HNRNPA3: variants seen among roughly 807,000 people sequenced by gnomAD.
HNRNPA3 encodes the protein heterogeneous nuclear ribonucleoprotein A3.
In HNRNPA3, 3 loss-of-function variants were observed where a neutral mutation model predicts 45.8. The observed-to-expected ratio is 0.07, with a 90% CI of 0.03 to 0.17. HNRNPA3 has a LOEUF of 0.17. Ranked by LOEUF, HNRNPA3 falls within the 10% of genes least tolerant of loss-of-function variation. The pLI is 1.00. For missense variants in HNRNPA3, 183 were observed against 480.3 expected, an observed-to-expected ratio of 0.38 and a Z score of 5.79; for synonymous variants, 170 against 155.6, an observed-to-expected ratio of 1.09 and a Z score of -0.69.
At chr2:177,213,639 G>A (rs1182696150) in intron 1 of HNRNPA3, among the ~76,000 whole-genome samples, 1 of 152,264 alleles carries the variant, frequency 6.6e-6, no homozygotes, top group African/African-American at 2.4e-5. Flanking sequence ...CTTAATTTTT[G>A]AGAATTTGAG....
At position 177,217,283 on chromosome 2, in the gene HNRNPA3, CTA is replaced by C. The variant is rs533051743; in HGVS notation, c.820+345_820+346del. On this transcript the variant is annotated intron_variant, in intron 7 of 10. Coordinates refer to ENST00000392524, the Ensembl canonical transcript of HNRNPA3. ...CTTACTAGTGCAGATACTTGATACT[CTA>C]TTATTATTAGGTATTACCAGGCTTC... 2.6e-5 allele frequency among the ~76,000 whole-genome samples: 4 copies of C among 151,898 alleles called. No individual in the cohort carries two copies. In the South Asian group the frequency reaches 8.3e-4, roughly 32 times the overall value.
chr2:177,215,646 A>C (rs1408408486), exon 2 of HNRNPA3: 1 of 1,613,866 alleles, frequency 6.2e-7, no homozygotes, highest in Non-Finnish European at 8.5e-7. Context: ...AATGGGGCAC[A>C]CTCACAGATT....
intron 1 of HNRNPA3, among the ~76,000 whole-genome samples, chr2:177,214,009 A>G (rs1296890132): frequency 2.0e-5 from 3 of 152,234 alleles, no homozygotes; most frequent in African/African-American, 7.2e-5. Context: ...ATCTCTTCAC[A>G]TTAAACGGTT....
chr2:177,216,226 G>C (rs761156929), intron 4 of HNRNPA3, 38 bp downstream of exon 4: 1 of 1,367,164 alleles, frequency 7.3e-7, no homozygotes, highest in East Asian at 2.3e-5. Flanking sequence ...TGAGAAAGTA[G>C]AACTGGTTTT....
At chr2:177,213,797 G>A (rs544118197) in intron 1 of HNRNPA3, among the ~76,000 whole-genome samples, 1 of 152,340 alleles carries the variant, frequency 6.6e-6, no homozygotes, top group East Asian at 1.9e-4. Context: ...AGTCGGCTCT[G>A]GTTGTAGTTT....
intron 1 of HNRNPA3, among the ~76,000 whole-genome samples, chr2:177,213,902 GTTA>G (rs1214446833): frequency 6.6e-6 from 1 of 152,138 alleles, no homozygotes; most frequent in East Asian, 1.9e-4. Flanking sequence ...TGTCGATTTC[GTTA>G]TTGTCAATCG....
At chr2:177,219,305 G>T in exon 10 of HNRNPA3, 1 of 1,609,736 alleles carries the variant, frequency 6.2e-7, no homozygotes, top group Non-Finnish European at 8.5e-7. Context: ...TCTAAAAACA[G>T]CAGAAAAGGG....
At chr2:177,221,224 A>C (rs2105439875), downstream of HNRNPA3, 1 of 152,796 alleles carries the variant, frequency 6.5e-6, no homozygotes, top group East Asian at 1.9e-4. Flanking sequence ...TTAAGTCCTA[A>C]ATAACTTCAA....
chr2:177,216,587 A>C, exon 5 of HNRNPA3: 2 of 1,613,856 alleles, frequency 1.2e-6, no homozygotes, highest in African/African-American at 2.7e-5. Flanking sequence ...GCTGGATCAC[A>C]GAGAGGTGAG....
chr2:177,217,436 A>G (rs1168166315), intron 7 of HNRNPA3, among the ~76,000 whole-genome samples: 1 of 152,174 alleles, frequency 6.6e-6, no homozygotes, highest in Non-Finnish European at 1.5e-5. Flanking sequence ...GGATTTTGAG[A>G]CTAGTCTGAG....
At chr2:177,215,346 C>T (rs1271628676) in intron 1 of HNRNPA3, among the ~76,000 whole-genome samples, 193 bp from the exon 2 acceptor site, 2 of 152,156 alleles carry the variant, frequency 1.3e-5, no homozygotes, top group African/African-American at 4.8e-5. Context: ...CCATCTGCCT[C>T]GGCCTCCCAA....
At chr2:177,216,796 A>G in intron 6 of HNRNPA3, 25 bp downstream of exon 6, 1 of 1,613,850 alleles carries the variant, frequency 6.2e-7, no homozygotes, top group South Asian at 1.1e-5. Context: ...TTCTAAGTAC[A>G]TGGATACCTG....
intron 1 of HNRNPA3, among the ~76,000 whole-genome samples, chr2:177,215,016 G>A (rs1014558879): frequency 6.6e-6 from 1 of 152,216 alleles, no homozygotes; most frequent in Non-Finnish European, 1.5e-5. Flanking sequence ...TTGAAGTGAT[G>A]CTGGCATTTG....
downstream of HNRNPA3, chr2:177,223,299 T>G (rs1202185929): frequency 5.3e-5 from 8 of 152,152 alleles, no homozygotes; most frequent in Admixed American, 5.2e-4. Context: ...GCATTGTTCT[T>G]TCTAGTTTAT....
chr2:177,223,854 T>C (rs1675961434), downstream of HNRNPA3: 1 of 152,190 alleles, frequency 6.6e-6, no homozygotes, highest in Admixed American at 6.5e-5. Context: ...TTTTTAGAAA[T>C]GTGTGTGTTG....
chr2:177,221,417 C>T (rs1383333202), downstream of HNRNPA3: 1 of 152,576 alleles, frequency 6.6e-6, no homozygotes, highest in African/African-American at 2.4e-5. Context: ...AATTGTTTGA[C>T]ACAACCTTGA....
chr2:177,215,718 T>C (rs1688908306), intron 2 of HNRNPA3, 32 bp from the exon 3 acceptor site: 1 of 1,608,202 alleles, frequency 6.2e-7, no homozygotes, highest in African/African-American at 1.3e-5. Context: ...GGTGGAGGTG[T>C]TTTCAACGTT....
chr2:177,217,212 TTTC>T (rs1464268355), intron 7 of HNRNPA3, among the ~76,000 whole-genome samples: 1 of 120,372 alleles, frequency 8.3e-6, no homozygotes, highest in African/African-American at 3.3e-5. Context: ...GAAAACTGAT[TTTC>T]TTTTTTACTA....
chr2:177,220,793 T>A (rs1285755938), downstream of HNRNPA3: 2 of 152,660 alleles, frequency 1.3e-5, no homozygotes, highest in Admixed American at 1.3e-4. Flanking sequence ...AAGGCCCTGG[T>A]TGAGAAGAGT....
Sources: allele counts gnomAD v4.1 joint callset (sites outside exome capture counted in the v4.1 genomes callset), GRCh38; gene constraint gnomAD v4.1.1; transcripts MANE v1.5; gene names NCBI Gene and HGNC (gene_info 2026-07-23, HGNC 2026-07-21).